The following ZNF133 variants were observed in gnomAD, a reference collection of about 807,000 sequenced individuals.
ZNF133 encodes zinc finger protein 133 (clone pHZ-13).
ZNF133 carries 26 observed loss-of-function variants against 54.9 expected under a neutral mutation model. The ratio of observed to expected loss-of-function variants is 0.47; its 90% CI spans 0.35 to 0.66. The LOEUF (loss-of-function observed/expected upper bound fraction) is 0.66, where lower values mean the gene tolerates loss of function less well. ZNF133 is among the 30% of genes least tolerant of loss of function. The probability of loss-of-function intolerance (pLI) is 0.01; values close to 1 mark genes in which losing one functional copy is unlikely to be tolerated. For synonymous variants in ZNF133, 298 were observed against 320.3 expected (o/e 0.93, Z 0.74); for missense variants, 653 against 820.8 (o/e 0.80, Z 2.50).
intron 3 of ZNF133, among the ~76,000 whole-genome samples, chr20:18,302,709 G>T (rs964031425): frequency 3.3e-5 from 5 of 152,140 alleles, no homozygotes; most frequent in African/African-American, 1.2e-4. Flanking sequence ...GCAAGAAAAA[G>T]AAACAAATGC....
intron 3 of ZNF133, among the ~76,000 whole-genome samples, chr20:18,303,462 TG>T (rs1389183563): frequency 6.6e-6 from 1 of 152,206 alleles, no homozygotes; most frequent in African/African-American, 2.4e-5. Context: ...AAACTTGATA[TG>T]GAATCTCAAG....
In ZNF133 at chr20:18,316,954, G is replaced by A. The variant is rs2047651076; in HGVS notation, c.*138G>A. 5.3e-6 allele frequency: 6 copies of A among 1,140,022 alleles called. No individual in the cohort carries two copies. The South Asian group carries it at 9.9e-5, about 19-fold the overall frequency. The allele number at this position is 1,140,022 out of a possible 1,614,324, so 70.6% of individuals were successfully genotyped here. On this transcript the variant is annotated 3_prime_UTR_variant, in exon 7 of 7. Coordinates refer to ENST00000425686, the MANE Select transcript of ZNF133 (RefSeq NM_001352452.2). ...ACACTAAGTCTTCTCCATGTTTTGT[G>A]GCCTTCGGTTGTAATAAACTTGGCT...
intron 3 of ZNF133, 66 bp from the exon 4 acceptor site, chr20:18,304,942 A>C: frequency 1.1e-6 from 1 of 947,076 alleles, no homozygotes; most frequent in Non-Finnish European, 1.3e-6. Flanking sequence ...CCTTGATTCC[A>C]ACCCATTCTC....
rs2047440198 is a variant in ZNF133, at chr20:18,316,255, C to A, written c.1404C>A (p.Cys468Ter). The stretch of plus-strand genomic sequence containing the variant: ...ACTCAGGAGAGAAGCCCATTGTGTG[C>A]AAGGACTGTGGCCGGGGCTTCAGCC... ...NIHSGEKPIV[C>*]KDCGRGFSQQ... Residue 468 changes from cysteine (C) to a stop codon, truncating the protein, a stop_gained, in exon 7 of 7, where the codon TGC (cysteine) becomes TGA (stop). Coordinates refer to ENST00000425686, the MANE Select transcript of ZNF133 (RefSeq NM_001352452.2). LOFTEE classifies it high-confidence loss of function. 1 of 1,610,090 alleles carries A rather than the reference C, an allele frequency of 6.2e-7. No homozygotes were observed. Among genetic ancestry groups the A allele is most frequent in the Non-Finnish European group, 8.5e-7 (1 of 1,178,170 alleles).
intron 6 of ZNF133, chr20:18,310,232 C>G: frequency 6.6e-7 from 1 of 1,521,810 alleles, no homozygotes; most frequent in Non-Finnish European, 8.8e-7. Context: ...ATCCAAGGAG[C>G]AAGTCATTGT....
intron 3 of ZNF133, among the ~76,000 whole-genome samples, chr20:18,298,711 C>T (rs557516571): frequency 6.6e-6 from 1 of 152,282 alleles, no homozygotes; most frequent in Admixed American, 6.5e-5. Flanking sequence ...CCAATTGCAA[C>T]CCCCCACTGG....
chr20:18,314,993 T>C lies in ZNF133; in HGVS notation c.218-76T>C, dbSNP rs2047119113. 3 of 1,449,524 alleles carry C rather than the reference T, an allele frequency of 2.1e-6. No homozygotes were observed. In the Admixed American group the frequency reaches 7.0e-5, roughly 34 times the overall value. The allele number at this position is 1,449,524 out of a possible 1,614,324, so 89.8% of individuals were successfully genotyped here. ...CTTAAGGCCTAAGTGTTTTGAAGCC[T>C]AGGGGATCTGACTAAGCTGATTGCT... On this transcript the variant is annotated intron_variant, in intron 6 of 6. Coordinates refer to ENST00000425686, the MANE Select transcript of ZNF133 (RefSeq NM_001352452.2).
In ZNF133 at chr20:18,307,660, C is replaced by A. The variant is rs2044951911; in HGVS notation, c.217+1267C>A. Among the ~76,000 whole-genome samples the A allele has an allele frequency of 3.9e-5, 6 of 152,170 alleles. No individual in the cohort carries two copies. In the South Asian group the frequency reaches 1.2e-3, roughly 32 times the overall value. ...GTATATTAGTCCTTTTTATATAATC[C>A]CACAGGTTATAGATCCTTTCCATAT... is the stretch of plus-strand genomic sequence containing the variant. On this transcript the variant is annotated intron_variant, in intron 6 of 6. Transcript: ENST00000425686.
In ZNF133 at chr20:18,298,005, T is replaced by A; in HGVS notation, c.-411T>A. ...CCCAGATCTACCTTCTGAGATATCA[T>A]CCTTCTTCAGGGAGATAAGGAAAAA... On this transcript the variant is annotated 5_prime_UTR_variant, in exon 2 of 7. Coordinates refer to ENST00000425686, the MANE Select transcript of ZNF133 (RefSeq NM_001352452.2). The A allele has an allele frequency of 6.5e-7, 1 of 1,528,784 alleles. No homozygotes were observed. Among genetic ancestry groups the A allele is most frequent in the East Asian group, 2.5e-5 (1 of 40,666 alleles). The allele number at this position is 1,528,784 out of a possible 1,614,324, so 94.7% of individuals were successfully genotyped here. A position where few individuals can be genotyped will look rare whatever the true frequency, so the allele number is the denominator to read the frequency against.
chr20:18,303,104 T>A (rs914509098), intron 3 of ZNF133, among the ~76,000 whole-genome samples: 5 of 151,822 alleles, frequency 3.3e-5, no homozygotes, highest in African/African-American at 1.2e-4. Context: ...TGGAGTGCAG[T>A]GGCATGATCT....
rs112402638 is a variant in ZNF133, at chr20:18,306,492, C to T, written c.217+99C>T. The T allele has an allele frequency of 4.8e-5, 58 of 1,201,964 alleles. 2 individuals are homozygous for T. In the African/African-American group the frequency reaches 5.1e-4, roughly 11 times the overall value. 74.5% of individuals were successfully genotyped at this position (1,201,964 alleles called of 1,614,324 possible). On this transcript the variant is annotated intron_variant, in intron 6 of 6. Coordinates refer to ENST00000425686, the MANE Select transcript of ZNF133 (RefSeq NM_001352452.2). Reference sequence around the variant, plus strand: ...TCAGGTGCTGGGGAGGGAAGCTGTTCCCCTGACCTCCTGGGCTGCTGTTTA... The same window carrying T: ...TCAGGTGCTGGGGAGGGAAGCTGTTTCCCTGACCTCCTGGGCTGCTGTTTA...
intron 1 of ZNF133, among the ~76,000 whole-genome samples, chr20:18,294,082 A>C (rs2041715053): frequency 6.6e-6 from 1 of 152,210 alleles, no homozygotes; most frequent in African/African-American, 2.4e-5. Context: ...TTAATTATAA[A>C]GGGAAATGTA....
chr20:18,310,022 T>A, intron 6 of ZNF133: 1 of 776,594 alleles, frequency 1.3e-6, no homozygotes, highest in Non-Finnish European at 1.7e-6. Context: ...CTGACCTTTG[T>A]ACATTTACAC....
chr20:18,316,188 G>A lies in ZNF133; in HGVS notation c.1337G>A (p.Gly446Asp), dbSNP rs1444720500. 7 of 1,609,242 alleles carry A rather than the reference G, an allele frequency of 4.3e-6. No individual in the cohort carries two copies. The highest frequency in any genetic ancestry group is 5.9e-6 in the Non-Finnish European group (7 of 1,177,494). Residue 446 changes from glycine to aspartate, a missense_variant, in exon 7 of 7, where the codon GGC becomes GAC. Gly to Asp is a moderately conservative substitution (Grantham distance 94, BLOSUM62 -1). Coordinates refer to ENST00000425686, the MANE Select transcript of ZNF133 (RefSeq NM_001352452.2). ...KPYVCGVCGR[G>D]FSLKSHLNRH... ...TATGTTTGTGGGGTGTGTGGGCGAGGCTTTAGTCTCAAGTCACACCTCAAC... is the reference window on the plus strand; with the variant it reads ...TATGTTTGTGGGGTGTGTGGGCGAGACTTTAGTCTCAAGTCACACCTCAAC...
chr20:18,315,267 G>T lies in ZNF133; in HGVS notation c.416G>T (p.Trp139Leu). The change falls in exon 7 of 7, where the codon TGG becomes TTG. Residue 139 changes from tryptophan (W) to leucine (L), a missense_variant. Trp to Leu is a moderately conservative substitution (Grantham distance 61). Transcript: ENST00000425686. ...CAACAAGCCTCTGAGGGGAGACCCT[G>T]GAGTGATCAAGCAGAAGGTCCTGAG... ...KQQQASEGRP[W>L]SDQAEGPEGE... 1 of 1,614,062 alleles carries T rather than the reference G, an allele frequency of 6.2e-7. No homozygotes were observed. Among genetic ancestry groups the T allele is most frequent in the Non-Finnish European group, 8.5e-7 (1 of 1,180,020 alleles).
At chr20:18,295,186 G>T (rs2146982991) in intron 1 of ZNF133, 1 of 152,160 alleles carries the variant, frequency 6.6e-6, no homozygotes, top group East Asian at 1.9e-4. Context: ...ATGTTTTTTG[G>T]TGACTTTGCC....
chr20:18,289,214 C>G (rs1175096875), intron 1 of ZNF133, among the ~76,000 whole-genome samples: 2 of 152,080 alleles, frequency 1.3e-5, no homozygotes, highest in Non-Finnish European at 2.9e-5. Flanking sequence ...TGGTCACCCC[C>G]GGGTTCGGGC....
rs560054285 is a variant in ZNF133 at position 18,305,286 on chromosome 20, C to G, written c.-7+108C>G. 11 of 811,548 alleles carry G rather than the reference C, an allele frequency of 1.4e-5. No individual in the cohort carries two copies. The South Asian group carries it at 3.6e-4, about 27-fold the overall frequency. 50.3% of individuals were successfully genotyped at this position (811,548 alleles called of 1,614,324 possible). Reference sequence around the variant, plus strand: ...CTTGTGACCATCAGGCCCGAGAAAGCCAAGCCGTAGGATTTTGAGGAATTA... The same window carrying G: ...CTTGTGACCATCAGGCCCGAGAAAGGCAAGCCGTAGGATTTTGAGGAATTA... On this transcript the variant is annotated intron_variant, in intron 4 of 6. Transcript: ENST00000425686. This position sits in a 1 kb window ranked among gnomAD's most constrained non-coding sequence, Gnocchi z 4.7.
rs772574579 is a variant in ZNF133 at position 18,305,658 on chromosome 20, C to G, written c.-6-23C>G. ...TGGGCAAGGCTGGCTTCTGAGTGAG[C>G]AGGGCTCAGTTTTGTGTTACAGGCA... On this transcript the variant is annotated intron_variant, in intron 4 of 6. Transcript: ENST00000425686. The surrounding 1 kb of genome is among the most constrained non-coding windows in gnomAD (Gnocchi z 4.7). 5 of 1,613,880 alleles carry G rather than the reference C, an allele frequency of 3.1e-6. No homozygotes were observed. The highest frequency in any genetic ancestry group is 4.2e-6 in the Non-Finnish European group (5 of 1,180,004).
Sources: allele counts gnomAD v4.1 joint callset (sites outside exome capture counted in the v4.1 genomes callset), GRCh38; gene constraint gnomAD v4.1.1; non-coding constraint Gnocchi (gnomAD v3.1); transcripts MANE v1.5; gene names NCBI Gene and HGNC (gene_info 2026-07-23, HGNC 2026-07-21).